SLC43A2: variants seen among roughly 807,000 people sequenced by gnomAD.
SLC43A2 encodes the protein large neutral amino acids transporter small subunit 4.
SLC43A2 carries 38 observed loss-of-function variants against 63.2 expected under a neutral mutation model. That is an observed-to-expected ratio of 0.60 (90% CI 0.46 to 0.79). The LOEUF is 0.79. SLC43A2 is among the 30% of genes least tolerant of loss of function. SLC43A2 has a pLI of 0.00. For missense variants in SLC43A2, 644 were observed against 756.2 expected (o/e 0.85, Z 1.74); for synonymous variants, 322 against 331.0 (o/e 0.97, Z 0.30).
At chr17:1,598,193 C>T (rs1905515706) in intron 5 of SLC43A2, among the ~76,000 whole-genome samples, 1 of 152,142 alleles carries the variant, frequency 6.6e-6, no homozygotes, top group Admixed American at 6.5e-5. Context: ...GAGGCCGAGG[C>T]AGGTGGACCA....
Position 1,583,623 on chromosome 17 carries a change from G to T in SLC43A2, c.1218-287C>A. 2.8e-6 allele frequency: 1 copy of T among 357,154 alleles called. No homozygotes were observed. Among genetic ancestry groups the T allele is most frequent in the Non-Finnish European group, 5.2e-6 (1 of 193,450 alleles). 22.1% of individuals were successfully genotyped at this position (357,154 alleles called of 1,614,324 possible). A position where few individuals can be genotyped will look rare whatever the true frequency, so the allele number is the denominator to read the frequency against. ...AGGCTGAGCTAAGACGACGGGGAGA[G>T]AAGTAGCAGCGTGTGCCTGAGCTGG... On this transcript the variant is annotated intron_variant, in intron 10 of 13. Transcript: ENST00000301335. The surrounding 1 kb of genome is among the most constrained non-coding windows in gnomAD (Gnocchi z 5.5).
chr17:1,618,616 C>T (rs1437515579), intron 2 of SLC43A2, among the ~76,000 whole-genome samples: 1 of 152,224 alleles, frequency 6.6e-6, no homozygotes, highest in African/African-American at 2.4e-5. Flanking sequence ...AAGGGCAGGG[C>T]CTGCACTGTG....
At position 1,576,596 on chromosome 17, in the gene SLC43A2, C is replaced by T. The variant is rs2075935100; in HGVS notation, c.1548+1G>A. ...ACCCACCATCCCCCGACCCCTCTTA[C>T]CCACAGAGGGTCTCCCTGGAGAGGA... On this transcript the variant is annotated splice_donor_variant, in intron 13 of 13. Transcript: ENST00000301335. LOFTEE classifies it high-confidence loss of function. 1 of 1,603,958 alleles carries T rather than the reference C, an allele frequency of 6.2e-7. No individual in the cohort carries two copies. Among genetic ancestry groups the T allele is most frequent in the Non-Finnish European group, 8.5e-7 (1 of 1,178,794 alleles).
chr17:1,611,592 G>A (rs374513677), intron 5 of SLC43A2, among the ~76,000 whole-genome samples: 3 of 149,700 alleles, frequency 2.0e-5, no homozygotes, highest in African/African-American at 4.9e-5. Context: ...CCAAGATTGC[G>A]TCACTGCACT....
intron 2 of SLC43A2, among the ~76,000 whole-genome samples, chr17:1,617,892 G>C (rs528504739): frequency 6.6e-6 from 1 of 152,258 alleles, no homozygotes; most frequent in Admixed American, 6.5e-5. Flanking sequence ...GGTGGAGGAC[G>C]GGCTGGGAAC....
At chr17:1,628,770 G>C (rs145816677) in intron 1 of SLC43A2, 24 bp downstream of exon 1, 1,568 of 152,174 alleles carry the variant, frequency 0.01, 26 homozygotes, top group Non-Finnish European at 0.012. Context: ...CCCCGGCCGC[G>C]ATCCCCTCCC....
rs1375708518 is a variant in SLC43A2, at chr17:1,623,985, C to G, written c.160+3730G>C. On this transcript the variant is annotated intron_variant, in intron 2 of 13. Coordinates refer to ENST00000301335, the MANE Select transcript of SLC43A2 (RefSeq NM_152346.3). The stretch of plus-strand genomic sequence containing the variant: ...CAGGAGCCACATCTCCGCTGCTGTT[C>G]TAGCTCCTGGCGCCCTGCTTTCTTG... Among the ~76,000 whole-genome samples, 6 of 152,358 alleles carry G rather than the reference C, an allele frequency of 3.9e-5. No individual in the cohort carries two copies. In the South Asian group the frequency reaches 1.2e-3, roughly 32 times the overall value.
intron 2 of SLC43A2, among the ~76,000 whole-genome samples, chr17:1,620,075 C>T (rs994737848): frequency 2.6e-5 from 4 of 152,102 alleles, no homozygotes; most frequent in Admixed American, 1.3e-4. Context: ...ATAAAAATCC[C>T]AAGGCTAGGC....
intron 2 of SLC43A2, among the ~76,000 whole-genome samples, chr17:1,617,308 G>T (rs1338524907): frequency 6.6e-6 from 1 of 152,228 alleles, no homozygotes. Context: ...TCCATGTGGG[G>T]AGACTGCGGC....
At chr17:1,590,757 T>A in intron 9 of SLC43A2, 45 bp downstream of exon 9, 1 of 1,547,266 alleles carries the variant, frequency 6.5e-7, no homozygotes, top group Non-Finnish European at 8.7e-7. Context: ...TGGGCTGGGC[T>A]CAGGCCGGGG....
chr17:1,591,408 C>G lies in SLC43A2; in HGVS notation c.792G>C (p.Lys264Asn). 1 of 1,613,154 alleles carries G rather than the reference C, an allele frequency of 6.2e-7. No individual in the cohort carries two copies. ...GGCGCCGGCCCACCGTGGTCACCTG[C>G]TTGTAGAACTGCTTCCCTGTGATCT... ...DHKITGKQFY[K>N]QVTTVGRRLS... Residue 264 changes from lysine to asparagine, a missense_variant, in exon 8 of 14, where the codon AAG (lysine) becomes AAC (asparagine). Transcript: ENST00000301335.
intron 10 of SLC43A2, among the ~76,000 whole-genome samples, chr17:1,584,402 C>G (rs2151035419): frequency 6.6e-6 from 1 of 152,278 alleles, no homozygotes; most frequent in African/African-American, 2.4e-5. Flanking sequence ...GGGTATAACA[C>G]TGGTCCCCAC....
Position 1,616,751 on chromosome 17 carries a change from G to T in SLC43A2, c.179C>A (p.Thr60Lys). The T allele has an allele frequency of 6.2e-7, 1 of 1,613,946 alleles. No homozygotes were observed. The highest frequency in any genetic ancestry group is 8.5e-7 in the Non-Finnish European group (1 of 1,180,036). The change falls in exon 3 of 14, where the codon ACA (threonine) becomes AAA (lysine). Residue 60 changes from threonine (T) to lysine (K), a missense_variant. Transcript: ENST00000301335. ...CTEPENVTNG[T>K]VGGTAEPGHE... The stretch of plus-strand genomic sequence containing the variant: ...CCCCGGCTCTGCTGTGCCGCCCACT[G>T]TGCCATTGGTGACATTCTCTGTGTG...
chr17:1,598,098 G>A (rs144889763), intron 5 of SLC43A2, among the ~76,000 whole-genome samples: 209 of 152,266 alleles, frequency 1.4e-3, no homozygotes, highest in Non-Finnish European at 1.5e-3. Flanking sequence ...GTTCCTGCCC[G>A]GCATGCCAGC....
At chr17:1,622,253 G>C (rs1454113793) in intron 2 of SLC43A2, among the ~76,000 whole-genome samples, 2 of 152,246 alleles carry the variant, frequency 1.3e-5, no homozygotes, top group African/African-American at 4.8e-5. Context: ...AGCAATAAAA[G>C]TGAAAGGCTG....
In SLC43A2 at chr17:1,577,559, T is replaced by A. The variant is rs75491634; in HGVS notation, c.1424+691A>T. On this transcript the variant is annotated intron_variant, in intron 12 of 13. Transcript: ENST00000301335. The surrounding 1 kb of genome is among the most constrained non-coding windows in gnomAD (Gnocchi z 4.9). The stretch of plus-strand genomic sequence containing the variant: ...GAGTTCCGGGCTAAATCTTAGCACA[T>A]GTCAGGCTCTGCTGGCCCAGAGGTG... Among the ~76,000 whole-genome samples, 2 of 152,180 alleles carry A rather than the reference T, an allele frequency of 1.3e-5. No individual in the cohort carries two copies. Among genetic ancestry groups the A allele is most frequent in the African/African-American group, 4.8e-5 (2 of 41,462 alleles).
At chr17:1,586,885 A>G in intron 9 of SLC43A2, 1 of 1,520,494 alleles carries the variant, frequency 6.6e-7, no homozygotes, top group Non-Finnish European at 8.8e-7. Flanking sequence ...TCTGGGTTGA[A>G]CAGAGACTGG....
intron 9 of SLC43A2, among the ~76,000 whole-genome samples, chr17:1,589,532 C>G (rs576344444): frequency 1.5e-4 from 23 of 152,100 alleles, no homozygotes; most frequent in Non-Finnish European, 3.1e-4. Context: ...TGCACTCCAG[C>G]CTAAGCAACG....
chr17:1,591,383 G>T lies in SLC43A2; in HGVS notation c.817C>A (p.Leu273Met). ...CTCCTCATGGAGCTGCCCACACTCAGGCGCCGGCCCACCGTGGTCACCTGC... is the reference window on the plus strand; with the variant it reads ...CTCCTCATGGAGCTGCCCACACTCATGCGCCGGCCCACCGTGGTCACCTGC... Reference protein sequence around the residue: ...YKQVTTVGRRLSVGSSMRSAK... With the variant: ...YKQVTTVGRRMSVGSSMRSAK... The change falls in exon 8 of 14, where the codon CTG becomes ATG. Residue 273 changes from leucine (L) to methionine (M), a missense_variant. By Grantham distance (15) the Leu-to-Met change is conservative. Transcript: ENST00000301335. The T allele has an allele frequency of 6.2e-7, 1 of 1,612,578 alleles. No homozygotes were observed. The highest frequency in any genetic ancestry group is 8.5e-7 in the Non-Finnish European group (1 of 1,179,986).
Sources: allele counts gnomAD v4.1 joint callset (sites outside exome capture counted in the v4.1 genomes callset), GRCh38; gene constraint gnomAD v4.1.1; non-coding constraint Gnocchi (gnomAD v3.1); transcripts MANE v1.5; gene names NCBI Gene and HGNC (gene_info 2026-07-23, HGNC 2026-07-21).